The following PPP1R12B variants were observed in gnomAD, a reference collection of about 807,000 sequenced individuals.
The protein encoded by PPP1R12B is protein phosphatase 1 regulatory subunit 12B.
Under a neutral mutation model 126.1 loss-of-function variants are expected in PPP1R12B, and 76 were observed. The ratio of observed to expected loss-of-function variants is 0.60; its 90% CI spans 0.50 to 0.73. The LOEUF (loss-of-function observed/expected upper bound fraction) is 0.73, where lower values mean the gene tolerates loss of function less well. Ranked by LOEUF, PPP1R12B falls within the 30% of genes least tolerant of loss-of-function variation. The pLI, the probability that PPP1R12B is intolerant of heterozygous loss-of-function variation, is 0.00. For missense variants in PPP1R12B, 1,052 were observed against 1,205.1 expected, an observed-to-expected ratio of 0.87 and a Z score of 1.88; for synonymous variants, 356 against 434.7, an observed-to-expected ratio of 0.82 and a Z score of 2.25.
At chr1:202,518,108 C>G (rs1211500362) in intron 18 of PPP1R12B, among the ~76,000 whole-genome samples, 1 of 152,100 alleles carries the variant, frequency 6.6e-6, no homozygotes, top group Admixed American at 6.5e-5. Context: ...CAGAATAGCC[C>G]CCTATGAAAA....
chr1:202,355,185 G>A (rs1211612767), intron 1 of PPP1R12B, among the ~76,000 whole-genome samples: 3 of 151,602 alleles, frequency 2.0e-5, no homozygotes, highest in Non-Finnish European at 4.4e-5. Context: ...GATTATAGGC[G>A]TGAGCCACCA....
At chr1:202,447,504 G>GA (rs1362713055) in intron 12 of PPP1R12B, among the ~76,000 whole-genome samples, 1 of 152,148 alleles carries the variant, frequency 6.6e-6, no homozygotes, top group Non-Finnish European at 1.5e-5. Flanking sequence ...TATCAATGAA[G>GA]AAGAGATCAG....
chr1:202,432,736 A>G (rs1407877760), intron 8 of PPP1R12B, among the ~76,000 whole-genome samples: 2 of 152,210 alleles, frequency 1.3e-5, no homozygotes, highest in East Asian at 1.9e-4. Flanking sequence ...TCACTGCCAT[A>G]TTATCCCTCC....
intron 1 of PPP1R12B, among the ~76,000 whole-genome samples, chr1:202,411,541 T>A (rs191249884): frequency 1.7e-4 from 26 of 151,162 alleles, no homozygotes; most frequent in Non-Finnish European, 3.1e-4. Flanking sequence ...TCCTATAAGG[T>A]ACTGGGGGTG....
At chr1:202,568,167 C>CAT (rs886333326) in intron 22 of PPP1R12B, among the ~76,000 whole-genome samples, 5 of 142,888 alleles carry the variant, frequency 3.5e-5, no homozygotes, top group African/African-American at 1.3e-4. Context: ...TAAATCATTG[C>CAT]ATACACACAC....
Position 202,486,007 on chromosome 1 carries a change from G to A in PPP1R12B, c.1851-2526G>A, listed in dbSNP as rs115442220. Among the ~76,000 whole-genome samples, 734 of 152,104 alleles carry A rather than the reference G, an allele frequency of 4.8e-3. 5 individuals carry two copies. Among genetic ancestry groups the A allele is most frequent in the African/African-American group, 0.017 (691 of 41,462 alleles). ...AGCCGTCCTCCCATCTCAGCCTCACGAGTAGGTGGGACTACAGGCATGTGC... is the reference window on the plus strand; with the variant it reads ...AGCCGTCCTCCCATCTCAGCCTCACAAGTAGGTGGGACTACAGGCATGTGC... On this transcript the variant is annotated intron_variant, in intron 13 of 23. Transcript: ENST00000608999.
At position 202,580,536 on chromosome 1, in the gene PPP1R12B, A is replaced by G; in HGVS notation, c.2925A>G (p.Arg975=). ...AAGATGAAAATGGTGCCCTCATCAG[A>G]GTCATCAGCAAACTGTCCAAGTAGG... is the stretch of plus-strand genomic sequence containing the variant. The part of the protein sequence containing the change: ...RLKDENGALI[R]VISKLSK The change falls in exon 24 of 24, where the codon AGA becomes AGG. Residue 975 remains arginine, a synonymous_variant. Transcript: ENST00000608999. 3 of 1,613,966 alleles carry G rather than the reference A, an allele frequency of 1.9e-6. No homozygotes were observed. The highest frequency in any genetic ancestry group is 2.5e-6 in the Non-Finnish European group (3 of 1,179,814).
In PPP1R12B at chr1:202,405,527, C is replaced by T. The variant is rs1312964907; in HGVS notation, c.292-11260C>T. Among the ~76,000 whole-genome samples the T allele has an allele frequency of 2.6e-5, 4 of 152,188 alleles. No homozygotes were observed. In the East Asian group the frequency reaches 7.7e-4, roughly 29 times the overall value. On this transcript the variant is annotated intron_variant, in intron 1 of 23. Transcript: ENST00000608999. ...TACAAGGGTAATATAATAATAGCAGCTAACACGTAACATTTAACTGTGTGC... is the reference window on the plus strand; with the variant it reads ...TACAAGGGTAATATAATAATAGCAGTTAACACGTAACATTTAACTGTGTGC...
At chr1:202,366,223 T>C (rs1367083909) in intron 1 of PPP1R12B, among the ~76,000 whole-genome samples, 1 of 151,938 alleles carries the variant, frequency 6.6e-6, no homozygotes, top group Non-Finnish European at 1.5e-5. Context: ...AAATTTGGTA[T>C]AAAAATTCAT....
intron 18 of PPP1R12B, among the ~76,000 whole-genome samples, chr1:202,503,891 CTT>C (rs1680517983): frequency 6.6e-6 from 1 of 151,460 alleles, no homozygotes; most frequent in South Asian, 2.1e-4. Context: ...CTTCTGGTGT[CTT>C]TTGAGCTAGA....
intron 19 of PPP1R12B, among the ~76,000 whole-genome samples, chr1:202,561,486 T>G (rs1428913342): frequency 6.6e-6 from 1 of 151,910 alleles, no homozygotes; most frequent in East Asian, 1.9e-4. Flanking sequence ...TAGACAATAG[T>G]GTATGTTATC....
chr1:202,445,978 G>T (rs540237321), intron 12 of PPP1R12B, among the ~76,000 whole-genome samples: 2 of 152,156 alleles, frequency 1.3e-5, no homozygotes, highest in South Asian at 4.1e-4. Context: ...AGGAACACCA[G>T]TGATGGTGCT....
intron 18 of PPP1R12B, among the ~76,000 whole-genome samples, chr1:202,510,895 CTAATATAATATA>C (rs1344841080): frequency 4.2e-5 from 6 of 143,994 alleles, no homozygotes; most frequent in African/African-American, 1.5e-4. Context: ...TATATTTATA[CTAATATAATATA>C]TAATATAATA....
chr1:202,523,127 A>C (rs1682948726), intron 18 of PPP1R12B, among the ~76,000 whole-genome samples: 1 of 152,240 alleles, frequency 6.6e-6, no homozygotes, highest in Non-Finnish European at 1.5e-5. Flanking sequence ...TCACTCATTC[A>C]TTCAACAAAT....
Position 202,531,382 on chromosome 1 carries a change from A to AT in PPP1R12B, c.2491-27489dup, listed in dbSNP as rs1683932474. 2.6e-5 allele frequency among the ~76,000 whole-genome samples: 4 copies of AT among 152,224 alleles called. No homozygotes were observed. In the South Asian group the frequency reaches 8.3e-4, roughly 32 times the overall value. ...AATATATGGAAGAGTAGGGCTTGATATTTTTTAACAGTATGGAGATCTTTT... is the reference window on the plus strand; with the variant it reads ...AATATATGGAAGAGTAGGGCTTGATATTTTTTTAACAGTATGGAGATCTTTT... On this transcript the variant is annotated intron_variant, in intron 18 of 23. Coordinates refer to ENST00000608999, the MANE Select transcript of PPP1R12B (RefSeq NM_002481.4).
At chr1:202,376,447 CA>C (rs1661184005) in intron 1 of PPP1R12B, among the ~76,000 whole-genome samples, 1 of 152,120 alleles carries the variant, frequency 6.6e-6, no homozygotes, top group Admixed American at 6.5e-5. Flanking sequence ...AAAGTTCTTG[CA>C]AAATTTAGAC....
At chr1:202,526,758 G>T (rs1683392205) in intron 18 of PPP1R12B, among the ~76,000 whole-genome samples, 1 of 151,908 alleles carries the variant, frequency 6.6e-6, no homozygotes, top group Non-Finnish European at 1.5e-5. Flanking sequence ...TTATGGAGGG[G>T]TTATAGTTTT....
chr1:202,380,731 G>A (rs1325923109), intron 1 of PPP1R12B, among the ~76,000 whole-genome samples: 3 of 152,166 alleles, frequency 2.0e-5, no homozygotes, highest in Non-Finnish European at 4.4e-5. Context: ...CTGAACTTGA[G>A]TGTATCCCTT....
At position 202,495,454 on chromosome 1, in the gene PPP1R12B, T is replaced by C. The variant is rs1679432030; in HGVS notation, c.2307T>C (p.Thr769=). ...AGAGTTCAGAGACTACCACAAACAC[T>C]ACAACTGCAAAGGAAATGGACAAAA... ...DSESSETTTN[T]TTAKEMDKNE... The change falls in exon 16 of 24, where the codon ACT becomes ACC. Residue 769 remains threonine (T), a synonymous_variant. Coordinates refer to ENST00000608999, the MANE Select transcript of PPP1R12B (RefSeq NM_002481.4). 6.2e-7 allele frequency: 1 copy of C among 1,607,766 alleles called. No homozygotes were observed. Among genetic ancestry groups the C allele is most frequent in the Non-Finnish European group, 8.5e-7 (1 of 1,176,986 alleles).
Sources: allele counts gnomAD v4.1 joint callset (sites outside exome capture counted in the v4.1 genomes callset), GRCh38; gene constraint gnomAD v4.1.1; transcripts MANE v1.5; gene names NCBI Gene and HGNC (gene_info 2026-07-23, HGNC 2026-07-21).